Variants in CFAP61 observed in about 807,000 individuals in gnomAD.
CFAP61 encodes the protein cilia- and flagella-associated protein 61.
A neutral mutation model predicts 135.6 loss-of-function variants in CFAP61; 107 were observed. The observed-to-expected ratio is 0.79, with a 90% CI of 0.67 to 0.93. CFAP61 has a LOEUF of 0.93. Ranked by LOEUF, CFAP61 falls within the 40% of genes least tolerant of loss-of-function variation. The probability of loss-of-function intolerance (pLI) is 0.00; values close to 1 mark genes in which losing one functional copy is unlikely to be tolerated. For synonymous variants in CFAP61, 575 were observed against 578.5 expected, an observed-to-expected ratio of 0.99 and a Z score of 0.09; for missense variants, 1,507 against 1,556.2, an observed-to-expected ratio of 0.97 and a Z score of 0.53.
At chr20:20,355,478 G>C (rs375399031) in intron 26 of CFAP61, among the ~76,000 whole-genome samples, 2 of 11,836 alleles carry the variant, frequency 1.7e-4, no homozygotes, top group African/African-American at 1.9e-4. Context: ...AGGGGAGGTG[G>C]TCACACTGTG....
chr20:20,087,775 T>C (rs2046909549), intron 6 of CFAP61, among the ~76,000 whole-genome samples: 1 of 152,022 alleles, frequency 6.6e-6, no homozygotes, highest in Non-Finnish European at 1.5e-5. Flanking sequence ...CATAGAGAGG[T>C]AAAGTACCCA....
chr20:20,092,004 A>C (rs1476306815), intron 7 of CFAP61, among the ~76,000 whole-genome samples: 1 of 152,150 alleles, frequency 6.6e-6, no homozygotes, highest in Non-Finnish European at 1.5e-5. Context: ...TCTTTTATCT[A>C]ATCTACAGAC....
chr20:20,269,146 T>TATATAA (rs1419572825), intron 21 of CFAP61, among the ~76,000 whole-genome samples: 1 of 85,596 alleles, frequency 1.2e-5, no homozygotes, highest in Non-Finnish European at 2.5e-5. Flanking sequence ...TATATATATA[T>TATATAA]ACACACACAC....
chr20:20,166,267 C>G, intron 11 of CFAP61, 130 bp from the exon 12 acceptor site: 1 of 700,256 alleles, frequency 1.4e-6, no homozygotes, highest in Middle Eastern at 2.5e-4. Context: ...TAGTGTTCAC[C>G]TAGACACACA....
At chr20:20,234,773 G>A (rs923272968) in intron 18 of CFAP61, among the ~76,000 whole-genome samples, 6 of 152,050 alleles carry the variant, frequency 3.9e-5, no homozygotes, top group East Asian at 3.9e-4. Context: ...CAGGGAAGGC[G>A]GCAGGTCAAG....
intron 6 of CFAP61, among the ~76,000 whole-genome samples, chr20:20,081,776 A>T (rs750611184): frequency 2.2e-4 from 33 of 150,958 alleles, no homozygotes; most frequent in Admixed American, 3.3e-4. Context: ...GGTCTTGCAC[A>T]TACAGCCCCT....
intron 7 of CFAP61, among the ~76,000 whole-genome samples, chr20:20,093,207 A>G (rs972348384): frequency 7.9e-5 from 12 of 152,222 alleles, no homozygotes; most frequent in African/African-American, 2.9e-4. Context: ...AAAAGAAGTC[A>G]GTCATAAAGA....
chr20:20,196,305 A>G (rs1484929867), intron 15 of CFAP61, among the ~76,000 whole-genome samples: 1 of 152,140 alleles, frequency 6.6e-6, no homozygotes, highest in Non-Finnish European at 1.5e-5. Flanking sequence ...GGGCTCTCTG[A>G]GTTGATAGCA....
chr20:20,151,809 G>A (rs1366399503), intron 9 of CFAP61, among the ~76,000 whole-genome samples: 4 of 108,254 alleles, frequency 3.7e-5, no homozygotes, highest in African/African-American at 7.5e-5. Context: ...CTGTCTGGGC[G>A]ACAGAGCAAG....
At chr20:20,197,528 AACAC>A (rs145850922) in intron 16 of CFAP61, among the ~76,000 whole-genome samples, 22 of 151,308 alleles carry the variant, frequency 1.5e-4, no homozygotes, top group African/African-American at 5.3e-4. Flanking sequence ...AAGAGTCACA[AACAC>A]ACACACACAC....
chr20:20,181,070 C>A (rs1450931393), intron 13 of CFAP61, among the ~76,000 whole-genome samples: 2 of 151,696 alleles, frequency 1.3e-5, no homozygotes, highest in Admixed American at 6.6e-5. Flanking sequence ...GGCTCAATAC[C>A]TGGGTGATAA....
intron 22 of CFAP61, among the ~76,000 whole-genome samples, chr20:20,284,494 C>A (rs2054438330): frequency 6.6e-6 from 1 of 152,056 alleles, no homozygotes; most frequent in African/African-American, 2.4e-5. Context: ...ACCGTGTTAT[C>A]CAGGATGGTC....
intron 6 of CFAP61, among the ~76,000 whole-genome samples, chr20:20,087,634 AC>A (rs11288829): frequency 0.047 from 7,117 of 152,236 alleles, 548 homozygotes; most frequent in African/African-American, 0.16. Context: ...CTCTTATTCC[AC>A]CCACTGACTG....
intron 19 of CFAP61, among the ~76,000 whole-genome samples, chr20:20,247,791 G>T (rs984629188): frequency 1.3e-5 from 2 of 152,024 alleles, no homozygotes; most frequent in South Asian, 4.1e-4. Context: ...CAGATGCAAC[G>T]GGCAAGTCCC....
chr20:20,176,665 A>C (rs763146761), intron 13 of CFAP61, among the ~76,000 whole-genome samples: 4 of 152,154 alleles, frequency 2.6e-5, no homozygotes, highest in Non-Finnish European at 5.9e-5. Context: ...ATGAGAACAC[A>C]TGAACACATG....
chr20:20,081,586 A>G (rs1277107006), intron 6 of CFAP61, among the ~76,000 whole-genome samples: 1 of 152,174 alleles, frequency 6.6e-6, no homozygotes, highest in Admixed American at 6.5e-5. Context: ...GCCCAGTGCC[A>G]GGCTCCCAGT....
intron 8 of CFAP61, among the ~76,000 whole-genome samples, chr20:20,128,469 G>T (rs1291413161): frequency 1.3e-5 from 2 of 151,698 alleles, no homozygotes; most frequent in Non-Finnish European, 2.9e-5. Context: ...TGCAGTGGGG[G>T]TATGTATTTG....
At position 20,169,387 on chromosome 20, in the gene CFAP61, G is replaced by A. The variant is rs770472220; in HGVS notation, c.1312G>A (p.Val438Met). Residue 438 changes from valine (V) to methionine (M), a missense_variant, in exon 13 of 27, where the codon GTG becomes ATG. Transcript: ENST00000245957. The part of the protein sequence containing the change: ...TPEFFLIQNF[V>M]KMVPFNTCTL... ...CGAGTTCTTCCTCATCCAGAACTTC[G>A]TGAAAATGGTCCCTTTCAACACCTG... 61 of 1,613,594 alleles carry A rather than the reference G, an allele frequency of 3.8e-5. 1 individual carries two copies. The South Asian group carries it at 4.4e-4, about 12-fold the overall frequency.
intron 11 of CFAP61, among the ~76,000 whole-genome samples, chr20:20,164,937 A>ATAT (rs2053704135): frequency 2.0e-5 from 3 of 152,224 alleles, no homozygotes; most frequent in Non-Finnish European, 4.4e-5. Flanking sequence ...TTCCCCTTAT[A>ATAT]AAACCATGAG....
Sources: allele counts gnomAD v4.1 joint callset (sites outside exome capture counted in the v4.1 genomes callset), GRCh38; gene constraint gnomAD v4.1.1; transcripts MANE v1.5; gene names NCBI Gene and HGNC (gene_info 2026-07-23, HGNC 2026-07-21).